Variants in ZNF804A observed in about 807,000 individuals in gnomAD.
The protein encoded by ZNF804A is zinc finger protein 804A.
Under a neutral mutation model 16.5 loss-of-function variants are expected in ZNF804A, and 2 were observed. That is an observed-to-expected ratio of 0.12 (90% CI 0.05 to 0.38). The LOEUF (loss-of-function observed/expected upper bound fraction) is 0.38, where lower values mean the gene tolerates loss of function less well. ZNF804A is among the 10% of genes least tolerant of loss of function. The probability of loss-of-function intolerance (pLI) is 0.99; values close to 1 mark genes in which losing one functional copy is unlikely to be tolerated. For synonymous variants in ZNF804A, 534 were observed against 489.6 expected, an observed-to-expected ratio of 1.09 and a Z score of -1.20; for missense variants, 1,473 against 1,390.7, an observed-to-expected ratio of 1.06 and a Z score of -0.94.
At chr2:184,602,278 A>T (rs567444727) in intron 1 of ZNF804A, among the ~76,000 whole-genome samples, 2 of 152,148 alleles carry the variant, frequency 1.3e-5, no homozygotes, top group African/African-American at 4.8e-5. Flanking sequence ...ACAAGCAAAA[A>T]GAAAGGTCAA....
At chr2:184,926,281 TA>T (rs929359681) in intron 2 of ZNF804A, among the ~76,000 whole-genome samples, 1 of 86,448 alleles carries the variant, frequency 1.2e-5, no homozygotes, top group African/African-American at 3.7e-5. Context: ...TATTCTAGGG[TA>T]AATTTTTTTT....
intron 1 of ZNF804A, among the ~76,000 whole-genome samples, chr2:184,790,374 C>T (rs930954696): frequency 2.0e-5 from 3 of 151,660 alleles, no homozygotes; most frequent in South Asian, 2.1e-4. Flanking sequence ...TTGTCTATAT[C>T]CAGTTTAAGT....
At chr2:184,815,922 C>T (rs1045230509) in intron 1 of ZNF804A, among the ~76,000 whole-genome samples, 2 of 151,898 alleles carry the variant, frequency 1.3e-5, no homozygotes, top group African/African-American at 4.8e-5. Context: ...TTTGTGGCCT[C>T]TTGTCAATTT....
At chr2:184,844,649 G>A (rs1267603473) in intron 1 of ZNF804A, among the ~76,000 whole-genome samples, 2 of 150,818 alleles carry the variant, frequency 1.3e-5, no homozygotes, top group Non-Finnish European at 3.0e-5. Flanking sequence ...TTTTCTCTTG[G>A]GTTTTCTGCT....
At chr2:184,932,551 T>G (rs141103479) in intron 2 of ZNF804A, among the ~76,000 whole-genome samples, 57 of 152,248 alleles carry the variant, frequency 3.7e-4, no homozygotes, top group African/African-American at 1.4e-3. Context: ...CACTGGGTAC[T>G]TCGCACCACA....
At chr2:184,610,100 G>T (rs140430727) in intron 1 of ZNF804A, among the ~76,000 whole-genome samples, 312 of 152,156 alleles carry the variant, frequency 2.1e-3, no homozygotes, top group African/African-American at 7.2e-3. Flanking sequence ...TTAAAAAAAT[G>T]GATCTGTTAT....
chr2:184,670,341 T>C (rs1692322474), intron 1 of ZNF804A, among the ~76,000 whole-genome samples: 1 of 152,090 alleles, frequency 6.6e-6, no homozygotes, highest in Admixed American at 6.6e-5. Context: ...AATTCTCACT[T>C]TTCCCTAAAA....
At chr2:184,899,577 T>C (rs1279020690) in intron 2 of ZNF804A, among the ~76,000 whole-genome samples, 1 of 152,022 alleles carries the variant, frequency 6.6e-6, no homozygotes, top group Non-Finnish European at 1.5e-5. Flanking sequence ...AGAAGCTATG[T>C]TCTACAATAA....
chr2:184,914,477 C>A (rs1455699522), intron 2 of ZNF804A, among the ~76,000 whole-genome samples: 2 of 152,144 alleles, frequency 1.3e-5, no homozygotes, highest in African/African-American at 4.8e-5. Context: ...TCTTCACATA[C>A]TTCTGAGTCC....
intron 1 of ZNF804A, among the ~76,000 whole-genome samples, chr2:184,669,403 G>A (rs899011605): frequency 6.6e-5 from 10 of 151,990 alleles, no homozygotes; most frequent in East Asian, 3.9e-4. Flanking sequence ...CTTATAAGCC[G>A]TAGTTCCTTA....
At chr2:184,700,897 T>C (rs1474455919) in intron 1 of ZNF804A, among the ~76,000 whole-genome samples, 1 of 151,986 alleles carries the variant, frequency 6.6e-6, no homozygotes. Context: ...ATGTATTCAT[T>C]GTATAGTGAT....
At chr2:184,646,066 C>A (rs139724432) in intron 1 of ZNF804A, among the ~76,000 whole-genome samples, 1 of 152,292 alleles carries the variant, frequency 6.6e-6, no homozygotes, top group South Asian at 2.1e-4. Flanking sequence ...TTTTCCCAGA[C>A]CCAAGACTGA....
At chr2:184,667,830 A>C (rs371570075) in intron 1 of ZNF804A, among the ~76,000 whole-genome samples, 3 of 151,862 alleles carry the variant, frequency 2.0e-5, no homozygotes, top group African/African-American at 7.2e-5. Flanking sequence ...AAATTATTTA[A>C]AATTTCTAAA....
intron 1 of ZNF804A, among the ~76,000 whole-genome samples, chr2:184,833,801 G>A (rs1695302996): frequency 1.3e-5 from 2 of 151,988 alleles, no homozygotes; most frequent in South Asian, 4.1e-4. Flanking sequence ...CCCTTAGGGT[G>A]CAGCAAACCA....
intron 1 of ZNF804A, among the ~76,000 whole-genome samples, chr2:184,802,574 T>C (rs751609705): frequency 2.0e-5 from 3 of 152,218 alleles, no homozygotes; most frequent in Non-Finnish European, 4.4e-5. Flanking sequence ...TTGCTCCAAG[T>C]AAGCAGATTT....
intron 1 of ZNF804A, among the ~76,000 whole-genome samples, chr2:184,601,678 A>G (rs1317203094): frequency 1.3e-5 from 2 of 151,884 alleles, no homozygotes; most frequent in African/African-American, 4.8e-5. Flanking sequence ...TTTGCCATTA[A>G]AAATCATCAC....
intron 1 of ZNF804A, among the ~76,000 whole-genome samples, chr2:184,831,345 A>G (rs1026476845): frequency 4.0e-5 from 6 of 151,842 alleles, no homozygotes; most frequent in Admixed American, 3.9e-4. Flanking sequence ...TCACCTGCTC[A>G]TGTGATTTAA....
Position 184,670,321 on chromosome 2 carries a change from A to G in ZNF804A, c.111+71251A>G, listed in dbSNP as rs1490214878. Among the ~76,000 whole-genome samples the G allele has an allele frequency of 4.6e-5, 7 of 151,926 alleles. No homozygotes were observed. In the South Asian group the frequency reaches 1.5e-3, roughly 31 times the overall value. On this transcript the variant is annotated intron_variant, in intron 1 of 3. Coordinates refer to ENST00000302277, the MANE Select transcript of ZNF804A (RefSeq NM_194250.2). Reference sequence around the variant, plus strand: ...TTAATCAGAGTACCCCAGTTATTATATTTCTAGGAAATTCTCACTTTTCCC... The same window carrying G: ...TTAATCAGAGTACCCCAGTTATTATGTTTCTAGGAAATTCTCACTTTTCCC...
intron 1 of ZNF804A, among the ~76,000 whole-genome samples, chr2:184,804,780 T>C (rs1277400866): frequency 1.3e-5 from 2 of 152,180 alleles, no homozygotes; most frequent in African/African-American, 4.8e-5. Context: ...AAAGAAAAGC[T>C]TGATCAAGTG....
Sources: gnomAD v4.1 joint callset for allele counts (sites outside exome capture counted in the v4.1 genomes callset) on GRCh38, gnomAD v4.1.1 for gene constraint, MANE v1.5 for transcripts, NCBI Gene and HGNC (gene_info 2026-07-23, HGNC 2026-07-21) for gene names.